OR3A2: variants seen among roughly 807,000 people sequenced by gnomAD.
The protein encoded by OR3A2 is olfactory receptor family 3 subfamily A member 2, also known as olfactory receptor 3A2.
For synonymous variants in OR3A2, 126 were observed against 159.3 expected (o/e 0.79, Z 1.57); for missense variants, 318 against 392.8 (o/e 0.81, Z 1.61).
At position 3,362,215 on chromosome 17, in the gene OR3A2, T is replaced by C. The variant is rs182514914; in HGVS notation, c.-179+21589A>G. ...TAGTTTATTTGCGTAGAGATGTTTA[T>C]AGTATTCTCTGACAGTAGTTTGTAT... On this transcript the variant is annotated intron_variant, in intron 2 of 4. Coordinates refer to the OR3A2 transcript ENST00000573491. Among the ~76,000 whole-genome samples the C allele has an allele frequency of 1.1e-4, 17 of 151,926 alleles. No individual in the cohort carries two copies. In the East Asian group the frequency reaches 3.1e-3, roughly 28 times the overall value.
chr17:3,380,867 G>A (rs751245369), intron 2 of OR3A2, among the ~76,000 whole-genome samples: 2 of 152,158 alleles, frequency 1.3e-5, no homozygotes, highest in Non-Finnish European at 2.9e-5. Context: ...GCGGACTTGA[G>A]GCAAGAGAGA....
chr17:3,319,545 GT>G (rs1325474909), intron 3 of OR3A2, among the ~76,000 whole-genome samples: 1 of 151,872 alleles, frequency 6.6e-6, no homozygotes. Flanking sequence ...CCCCACAACA[GT>G]CCCCAGTATG....
chr17:3,324,881 T>C (rs977421878), intron 3 of OR3A2, among the ~76,000 whole-genome samples: 8 of 152,086 alleles, frequency 5.3e-5, no homozygotes, highest in African/African-American at 1.9e-4. Flanking sequence ...AATGCATGTA[T>C]TAAGTATTTG....
At chr17:3,372,594 G>A (rs2049639873) in intron 2 of OR3A2, among the ~76,000 whole-genome samples, 1 of 152,150 alleles carries the variant, frequency 6.6e-6, no homozygotes, top group South Asian at 2.1e-4. Flanking sequence ...GGCCGAGGCT[G>A]GCGGATCACT....
chr17:3,333,447 A>G (rs1221371620), intron 3 of OR3A2, among the ~76,000 whole-genome samples: 1 of 152,132 alleles, frequency 6.6e-6, no homozygotes, highest in Admixed American at 6.5e-5. Flanking sequence ...TTGGCCTCAG[A>G]AACATGTGAT....
At chr17:3,345,464 T>C (rs374734845) in intron 2 of OR3A2, among the ~76,000 whole-genome samples, 9 of 149,720 alleles carry the variant, frequency 6.0e-5, no homozygotes, top group African/African-American at 1.2e-4. Flanking sequence ...GAGACCAAAA[T>C]AAGAAACGAA....
At chr17:3,370,669 C>T (rs1275353976) in intron 2 of OR3A2, among the ~76,000 whole-genome samples, 1 of 149,864 alleles carries the variant, frequency 6.7e-6, no homozygotes, top group South Asian at 2.1e-4. Context: ...GGGTGTTTCT[C>T]GCAGAGGGGG....
chr17:3,297,816 G>A (rs2048931968), intron 3 of OR3A2, among the ~76,000 whole-genome samples: 2 of 152,186 alleles, frequency 1.3e-5, no homozygotes, highest in African/African-American at 4.8e-5. Flanking sequence ...AGATTGGGCT[G>A]TAGGAGTTGG....
At chr17:3,306,517 C>T (rs980182081) in intron 3 of OR3A2, among the ~76,000 whole-genome samples, 1 of 152,024 alleles carries the variant, frequency 6.6e-6, no homozygotes, top group South Asian at 2.1e-4. Flanking sequence ...TGCTCCCACT[C>T]CCCCTTCCAA....
At position 3,340,836 on chromosome 17, in the gene OR3A2, T is replaced by C. The variant is rs546569557; in HGVS notation, c.-178-4710A>G. ...GGATATCCTTGTTAACCTTCTGTCTTGTTGATCTGTCTAATGTTGACAGTG... is the reference window on the plus strand; with the variant it reads ...GGATATCCTTGTTAACCTTCTGTCTCGTTGATCTGTCTAATGTTGACAGTG... On this transcript the variant is annotated intron_variant, in intron 2 of 4. Transcript: ENST00000573491. Among the ~76,000 whole-genome samples, 385 of 152,116 alleles carry C rather than the reference T, an allele frequency of 2.5e-3. 1 individual carries two copies. Among genetic ancestry groups the C allele is most frequent in the Middle Eastern group, 0.017 (5 of 294 alleles).
At chr17:3,300,933 C>T (rs12450362) in intron 3 of OR3A2, among the ~76,000 whole-genome samples, 69,908 of 150,430 alleles carry the variant, frequency 0.46, 17,703 homozygotes, top group East Asian at 0.95. Context: ...TGAGTGAGAA[C>T]ATGCGGTGTT....
chr17:3,276,758 G>T (rs2048737904), downstream of OR3A2, among the ~76,000 whole-genome samples: 1 of 152,176 alleles, frequency 6.6e-6, no homozygotes, highest in Non-Finnish European at 1.5e-5. Context: ...TATCATATGT[G>T]TGAGGAAGGT....
chr17:3,362,403 G>C (rs1224848062), intron 2 of OR3A2, among the ~76,000 whole-genome samples: 1 of 151,488 alleles, frequency 6.6e-6, no homozygotes, highest in Non-Finnish European at 1.5e-5. Context: ...AGGGTTTTTT[G>C]TGTCTCTATC....
At chr17:3,381,184 G>A (rs950318300) in intron 2 of OR3A2, among the ~76,000 whole-genome samples, 2 of 151,820 alleles carry the variant, frequency 1.3e-5, no homozygotes, top group African/African-American at 2.4e-5. Flanking sequence ...TGGACATATC[G>A]GGATACATCC....
At chr17:3,377,042 C>G (rs1354550615) in intron 2 of OR3A2, among the ~76,000 whole-genome samples, 1 of 152,230 alleles carries the variant, frequency 6.6e-6, no homozygotes, top group Non-Finnish European at 1.5e-5. Context: ...GCAGACTTTT[C>G]TCCCTCTCAC....
intron 3 of OR3A2, among the ~76,000 whole-genome samples, chr17:3,313,051 G>C (rs1028442251): frequency 6.6e-6 from 1 of 152,228 alleles, no homozygotes; most frequent in African/African-American, 2.4e-5. Flanking sequence ...AATATCATTT[G>C]CAATTTATCA....
chr17:3,277,689 T>A (rs543607071), exon 2 of OR3A2: 28 of 349,510 alleles, frequency 8.0e-5, no homozygotes, highest in Non-Finnish European at 1.4e-4. Context: ...TTATTTACTT[T>A]GTCTACTTTT....
chr17:3,370,771 C>T (rs573361179), intron 2 of OR3A2, among the ~76,000 whole-genome samples: 237 of 151,232 alleles, frequency 1.6e-3, no homozygotes, highest in African/African-American at 5.1e-3. Flanking sequence ...GAGGACCCTG[C>T]GGCCTTCCGC....
intron 2 of OR3A2, among the ~76,000 whole-genome samples, chr17:3,373,223 G>A (rs1567571883): frequency 6.6e-6 from 1 of 152,106 alleles, no homozygotes; most frequent in Non-Finnish European, 1.5e-5. Context: ...TCATGTGGTC[G>A]ATCTTGGAGA....
Sources: gnomAD v4.1 joint callset for allele counts (sites outside exome capture counted in the v4.1 genomes callset) on GRCh38, gnomAD v4.1.1 for gene constraint, MANE v1.5 for transcripts, NCBI Gene and HGNC (gene_info 2026-07-23, HGNC 2026-07-21) for gene names.